Variants in ARAP2 observed in about 807,000 individuals in gnomAD.
The protein encoded by ARAP2 is ArfGAP with RhoGAP domain, ankyrin repeat and PH domain 2, also known as arf-GAP with Rho-GAP domain, ANK repeat and PH domain-containing protein 2.
ARAP2 carries 148 observed loss-of-function variants against 194.5 expected under a neutral mutation model. The observed-to-expected ratio is 0.76, with a 90% confidence interval of 0.67 to 0.87. ARAP2 has a LOEUF of 0.87. Among genes scored for constraint, ARAP2 ranks in the 40% least tolerant of loss-of-function variants. ARAP2 has a pLI of 0.00. For synonymous variants in ARAP2, 695 were observed against 683.5 expected (o/e 1.02, Z -0.26); for missense variants, 2,128 against 1,989.7 (o/e 1.07, Z -1.32).
At chr4:36,096,662 T>G (rs574214825) in intron 27 of ARAP2, among the ~76,000 whole-genome samples, 4 of 152,150 alleles carry the variant, frequency 2.6e-5, no homozygotes, top group Non-Finnish European at 5.9e-5. Context: ...CAGACAGTAT[T>G]TTATTGATCA....
intron 15 of ARAP2, among the ~76,000 whole-genome samples, chr4:36,155,685 C>T (rs943335007): frequency 2.0e-5 from 3 of 148,912 alleles, no homozygotes; most frequent in African/African-American, 7.5e-5. Context: ...TTTTTTAGAC[C>T]GAGTCTCGCT....
At chr4:36,188,627 G>A (rs1159853831) in intron 7 of ARAP2, among the ~76,000 whole-genome samples, 1 of 152,118 alleles carries the variant, frequency 6.6e-6, no homozygotes, top group Admixed American at 6.5e-5. Flanking sequence ...CGCATACCAA[G>A]GACACATTAT....
chr4:36,244,054 G>T (rs570996984), intron 1 of ARAP2, 125 bp downstream of exon 1: 7 of 152,252 alleles, frequency 4.6e-5, no homozygotes, highest in African/African-American at 1.7e-4. Flanking sequence ...CACCAGAGCC[G>T]AGCACTTTGC....
intron 9 of ARAP2, among the ~76,000 whole-genome samples, chr4:36,008,775 G>T (rs529074467): frequency 6.6e-6 from 1 of 151,992 alleles, no homozygotes; most frequent in African/African-American, 2.4e-5. Flanking sequence ...AAGAATGAGA[G>T]AAAATATTTG....
At position 36,212,376 on chromosome 4, in the gene ARAP2, C is replaced by G; in HGVS notation, c.1133+20G>C. ...CAGTTTATTCTAAATAGTTAATCAT[C>G]ATCAATCATGATCTCATACCTTGAT... On this transcript the variant is annotated intron_variant, in intron 5 of 32. Coordinates refer to ENST00000303965, the MANE Select transcript of ARAP2 (RefSeq NM_015230.4). 1 of 1,565,284 alleles carries G rather than the reference C, an allele frequency of 6.4e-7. No individual in the cohort carries two copies. The highest frequency in any genetic ancestry group is 8.8e-7 in the Non-Finnish European group (1 of 1,137,850).
Position 36,164,919 on chromosome 4 carries a change from C to T in ARAP2, c.2168G>A (p.Cys723Tyr). 1 of 1,613,962 alleles carries T rather than the reference C, an allele frequency of 6.2e-7. No homozygotes were observed. The highest frequency in any genetic ancestry group is 8.5e-7 in the Non-Finnish European group (1 of 1,179,832). The change falls in exon 11 of 33, where the codon TGT becomes TAT. Residue 723 changes from cysteine (C) to tyrosine (Y), a missense_variant. By Grantham distance (194) the Cys-to-Tyr change is radical. Coordinates refer to ENST00000303965, the MANE Select transcript of ARAP2 (RefSeq NM_015230.4). ...INLCVVICKK[C>Y]AGQHRSLGPK... ...CATAACTTGTCACTAATTACCTGCA[C>T]ACTTCTTACAGATGACAACACAGAG...
chr4:36,046,544 T>C (rs1235376145), intron 4 of ARAP2, among the ~76,000 whole-genome samples: 1 of 152,108 alleles, frequency 6.6e-6, no homozygotes, highest in Non-Finnish European at 1.5e-5. Context: ...GGGCATAAAA[T>C]TCCTATATGG....
chr4:36,123,250 T>G (rs1267594791), intron 22 of ARAP2, among the ~76,000 whole-genome samples: 1 of 151,788 alleles, frequency 6.6e-6, no homozygotes, highest in African/African-American at 2.4e-5. Context: ...TACATTGTGG[T>G]GCATGATAAA....
rs571523255 is a variant in ARAP2 at position 36,023,115 on chromosome 4, A to G, written n.608-3829T>C. On this transcript the variant is annotated intron_variant and non_coding_transcript_variant, in intron 5 of 12. Coordinates refer to the ARAP2 transcript ENST00000503225. ...ATATCTTGTCCTTAACCCACTCAAA[A>G]GCAGTCACTATCACCCCACAGACAA... Among the ~76,000 whole-genome samples the G allele has an allele frequency of 3.3e-5, 5 of 152,290 alleles. No homozygotes were observed. In the South Asian group the frequency reaches 1.0e-3, roughly 32 times the overall value.
chr4:36,200,261 A>AT lies in ARAP2; in HGVS notation c.1488-6615dup, dbSNP rs796559244. ...TTTTTTTATTTTTGTTTATTTATTT[A>AT]TTTTTTTTTTTGAGACACAGTTTTG... On this transcript the variant is annotated intron_variant, in intron 6 of 32. Coordinates refer to ENST00000303965, the MANE Select transcript of ARAP2 (RefSeq NM_015230.4). Among the ~76,000 whole-genome samples the AT allele has an allele frequency of 7.9e-3, 1,163 of 147,354 alleles. 14 individuals carry two copies. Among genetic ancestry groups the AT allele is most frequent in the African/African-American group, 0.025 (1,001 of 40,346 alleles).
In ARAP2 at chr4:36,159,449, G is replaced by C. The variant is rs750522783; in HGVS notation, c.2499C>G (p.Phe833Leu). The change falls in exon 14 of 33, where the codon TTC becomes TTG. Residue 833 changes from phenylalanine to leucine, a missense_variant. Coordinates refer to ENST00000303965, the MANE Select transcript of ARAP2 (RefSeq NM_015230.4). The stretch of plus-strand genomic sequence containing the variant: ...TGGCACACATGACATCTGCTCCACT[G>C]AACAGCAAAGCCATTGTTTCTAGAA... ...PDVLETMALL[F>L]SGADVMCATG... 13 of 1,599,838 alleles carry C rather than the reference G, an allele frequency of 8.1e-6. No individual in the cohort carries two copies. In the East Asian group the frequency reaches 2.5e-4, roughly 31 times the overall value.
chr4:36,190,056 G>T (rs1468848448), intron 7 of ARAP2, among the ~76,000 whole-genome samples: 1 of 152,104 alleles, frequency 6.6e-6, no homozygotes, highest in African/African-American at 2.4e-5. Flanking sequence ...GTTTTCTTGA[G>T]GTTTCCTGAA....
At chr4:36,225,298 T>A (rs1750072257) in intron 2 of ARAP2, among the ~76,000 whole-genome samples, 2 of 152,146 alleles carry the variant, frequency 1.3e-5, no homozygotes, top group African/African-American at 2.4e-5. Context: ...ATGAAAGATG[T>A]ACAAAAATCA....
At chr4:36,113,683 G>C (rs903872184) in intron 26 of ARAP2, among the ~76,000 whole-genome samples, 9 of 151,876 alleles carry the variant, frequency 5.9e-5, no homozygotes, top group African/African-American at 2.2e-4. Context: ...GGGTAGTCAA[G>C]GTGCTTTAAA....
chr4:36,229,318 G>T lies in ARAP2; in HGVS notation c.169C>A (p.Arg57Ser). ...TGTAACTGTTTAAGTATCCTCCTAC[G>T]GTGACCTGTAGGTGATATTCCAATT... ...QKIGISPTGH[R>S]RRILKQLQII... Residue 57 changes from arginine to serine, a missense_variant, in exon 2 of 33, where the codon CGT becomes AGT. Coordinates refer to ENST00000303965, the MANE Select transcript of ARAP2 (RefSeq NM_015230.4). 3 of 1,613,908 alleles carry T rather than the reference G, an allele frequency of 1.9e-6. No individual in the cohort carries two copies. Among genetic ancestry groups the T allele is most frequent in the Non-Finnish European group, 2.5e-6 (3 of 1,179,910 alleles).
At chr4:36,087,228 G>GA (rs1303721802) in intron 28 of ARAP2, among the ~76,000 whole-genome samples, 3 of 151,974 alleles carry the variant, frequency 2.0e-5, no homozygotes, top group South Asian at 2.1e-4. Context: ...TCAGTAACAT[G>GA]AAAAAACAAC....
chr4:36,233,787 A>C (rs1751953961), intron 1 of ARAP2, among the ~76,000 whole-genome samples: 1 of 152,194 alleles, frequency 6.6e-6, no homozygotes, highest in Admixed American at 6.5e-5. Context: ...CTGTCACTAT[A>C]ATTATTTTCA....
rs755292293 is a variant in ARAP2, at chr4:36,214,449, A to C, written c.937T>G (p.Ser313Ala). ...YFRERRNVAT[S>A]TEKSVAWQNS... ...TGCCATGCCACAGATTTTTCAGTTGAGGTAGCAACATTTCTTCTTTCACGG... is the reference window on the plus strand; with the variant it reads ...TGCCATGCCACAGATTTTTCAGTTGCGGTAGCAACATTTCTTCTTTCACGG... Residue 313 changes from serine to alanine, a missense_variant, in exon 3 of 33, where the codon TCA becomes GCA. Transcript: ENST00000303965. 3.8e-6 allele frequency: 6 copies of C among 1,594,860 alleles called. No individual in the cohort carries two copies. In the South Asian group the frequency reaches 5.7e-5, roughly 15 times the overall value.
At chr4:36,214,520 T>TCATAAATA in intron 2 of ARAP2, 40 bp from the exon 3 acceptor site, 1 of 1,251,964 alleles carries the variant, frequency 8.0e-7, no homozygotes, top group Non-Finnish European at 1.1e-6. Flanking sequence ...AGTGAAAATA[T>TCATAAATA]TTATGATATT....
Sources: allele counts gnomAD v4.1 joint callset (sites outside exome capture counted in the v4.1 genomes callset), GRCh38; gene constraint gnomAD v4.1.1; transcripts MANE v1.5; gene names NCBI Gene and HGNC (gene_info 2026-07-23, HGNC 2026-07-21).